COL4A2: variants seen among roughly 807,000 people sequenced by gnomAD.
COL4A2 encodes collagen alpha-2(IV) chain.
A neutral mutation model predicts 200.2 loss-of-function variants in COL4A2; 99 were observed. The observed-to-expected ratio is 0.49, with a 90% CI of 0.42 to 0.58. COL4A2 has a LOEUF of 0.58. Among genes scored for constraint, COL4A2 ranks in the 20% least tolerant of loss-of-function variants. The probability of loss-of-function intolerance (pLI) is 0.00; values close to 1 mark genes in which losing one functional copy is unlikely to be tolerated. For synonymous variants in COL4A2, 897 were observed against 900.6 expected (o/e 1.00, Z 0.07); for missense variants, 1,950 against 2,314.1 (o/e 0.84, Z 3.23).
At chr13:110,427,973 G>T (rs1880531240) in intron 6 of COL4A2, among the ~76,000 whole-genome samples, 1 of 152,226 alleles carries the variant, frequency 6.6e-6, no homozygotes, top group Admixed American at 6.5e-5. Context: ...TATCTAAAAT[G>T]CAGTTGGGTA....
chr13:110,441,469 A>C (rs527311805), intron 16 of COL4A2, among the ~76,000 whole-genome samples: 1 of 152,294 alleles, frequency 6.6e-6, no homozygotes, highest in Non-Finnish European at 1.5e-5. Context: ...TTTTATGCTA[A>C]ACTCAGCCCA....
rs150748464 is a variant in COL4A2, at chr13:110,430,695, G to A, written c.648+88G>A. 3.1e-4 allele frequency: 487 copies of A among 1,551,016 alleles called. No homozygotes were observed. The African/African-American group carries it at 5.6e-3, about 18-fold the overall frequency. On this transcript the variant is annotated intron_variant, in intron 10 of 47. Coordinates refer to ENST00000360467, the MANE Select transcript of COL4A2 (RefSeq NM_001846.4). ...ACTTCTTCAATGGTTGACTCCAGAT[G>A]AGAGCTTTAAGAACAACTATGATGC...
In COL4A2 at chr13:110,460,232, G is replaced by A. The variant is rs994019020; in HGVS notation, c.1596+1298G>A. The stretch of plus-strand genomic sequence containing the variant: ...AGCCCCGCAGAGCTGTGTTGCTGAC[G>A]GCCATGACTCCCAACTGCTTCATGG... On this transcript the variant is annotated intron_variant, in intron 22 of 47. Coordinates refer to ENST00000360467, the MANE Select transcript of COL4A2 (RefSeq NM_001846.4). Among the ~76,000 whole-genome samples the A allele has an allele frequency of 1.1e-4, 17 of 152,252 alleles. No homozygotes were observed. The South Asian group carries it at 1.2e-3, about 11-fold the overall frequency.
intron 3 of COL4A2, among the ~76,000 whole-genome samples, chr13:110,340,611 G>T (rs1377945232): frequency 6.6e-6 from 1 of 152,192 alleles, no homozygotes; most frequent in Non-Finnish European, 1.5e-5. Context: ...ACTTCTCCTA[G>T]CCCAGGGGCA....
intron 11 of COL4A2, 146 bp downstream of exon 11, chr13:110,432,506 T>A: frequency 1.9e-6 from 2 of 1,055,746 alleles, no homozygotes; most frequent in Non-Finnish European, 2.6e-6. Flanking sequence ...TTTTAAGACT[T>A]AATGTTAAAC....
At chr13:110,376,784 A>C (rs538796258) in intron 4 of COL4A2, among the ~76,000 whole-genome samples, 1 of 152,222 alleles carries the variant, frequency 6.6e-6, no homozygotes, top group East Asian at 1.9e-4. Flanking sequence ...AAGGCCCCCG[A>C]GGACCTTCCT....
chr13:110,454,155 T>C (rs1881634120), intron 20 of COL4A2, among the ~76,000 whole-genome samples: 1 of 152,198 alleles, frequency 6.6e-6, no homozygotes. Flanking sequence ...CTGTTCCACG[T>C]AGAAAAAGTC....
At chr13:110,461,396 C>T (rs549312243) in intron 22 of COL4A2, among the ~76,000 whole-genome samples, 17 of 152,358 alleles carry the variant, frequency 1.1e-4, no homozygotes, top group African/African-American at 3.1e-4. Context: ...TCAGCTGCCC[C>T]GGGCTGGGGC....
At chr13:110,333,186 C>T (rs1431307441) in intron 3 of COL4A2, among the ~76,000 whole-genome samples, 1 of 152,216 alleles carries the variant, frequency 6.6e-6, no homozygotes, top group Non-Finnish European at 1.5e-5. Flanking sequence ...GCCACTGGCC[C>T]GGTTACTCAG....
Position 110,462,153 on chromosome 13 carries a change from G to A in COL4A2, c.1636G>A (p.Ala546Thr), listed in dbSNP as rs1027800650. The change falls in exon 23 of 48, where the codon GCA (alanine) becomes ACA (threonine). Residue 546 changes from alanine (A) to threonine (T), a missense_variant. Physicochemically the swap from Ala to Thr is moderately conservative, Grantham distance 58. This residue lies in a region of COL4A2 where 1,385 missense variants were observed against 1,720.5 expected (regional missense o/e 0.80). Transcript: ENST00000360467. ...CATTGGTGCTCCCGGACCCAAAGGA[G>A]CAAAAGGAGATTCCAGAACAATCAC... is the stretch of plus-strand genomic sequence containing the variant. Reference protein sequence around the residue: ...GNIGAPGPKGAKGDSRTITTK... With the variant: ...GNIGAPGPKGTKGDSRTITTK... The A allele has an allele frequency of 6.2e-7, 1 of 1,614,276 alleles. No homozygotes were observed. The highest frequency in any genetic ancestry group is 1.1e-5 in the South Asian group (1 of 91,090).
chr13:110,467,703 C>T (rs879563924), intron 27 of COL4A2, among the ~76,000 whole-genome samples: 4 of 152,234 alleles, frequency 2.6e-5, no homozygotes, highest in Non-Finnish European at 5.9e-5. Context: ...GCCTGCGCTG[C>T]GATTCTGCTG....
chr13:110,511,976 T>C lies in COL4A2; in HGVS notation c.4924T>C (p.Ser1642Pro). 1.9e-6 allele frequency: 3 copies of C among 1,613,520 alleles called. No individual in the cohort carries two copies. Among genetic ancestry groups the C allele is most frequent in the Non-Finnish European group, 2.5e-6 (3 of 1,180,036 alleles). ...CGAAGGCGGTGGCCAATCACTGGTG[T>C]CACCGGGCAGCTGTCTAGAGGACTT... ...GDEGGGQSLVSPGSCLEDFRA... is the reference protein window; with the variant it reads ...GDEGGGQSLVPPGSCLEDFRA... The change falls in exon 48 of 48, where the codon TCA becomes CCA. Residue 1642 changes from serine to proline, a missense_variant. Transcript: ENST00000360467.
intron 38 of COL4A2, 59 bp downstream of exon 38, chr13:110,492,236 C>A: frequency 7.0e-7 from 1 of 1,433,838 alleles, no homozygotes; most frequent in Non-Finnish European, 9.6e-7. Context: ...GTGCAGGAGG[C>A]ACCGCTGAGC....
chr13:110,503,204 A>G lies in COL4A2; in HGVS notation c.3961A>G (p.Thr1321Ala). 6.2e-7 allele frequency: 1 copy of G among 1,613,688 alleles called. No individual in the cohort carries two copies. Among genetic ancestry groups the G allele is most frequent in the Non-Finnish European group, 8.5e-7 (1 of 1,179,912 alleles). The change falls in exon 42 of 48, where the codon ACC (threonine) becomes GCC (alanine). Residue 1321 changes from threonine (T) to alanine (A), a missense_variant. Coordinates refer to ENST00000360467, the MANE Select transcript of COL4A2 (RefSeq NM_001846.4). The part of the protein sequence containing the change: ...GDTGNPGAPG[T>A]PGTKGWAGDS... ...CACAGGGAACCCAGGAGCTCCAGGAACCCCAGGGACCAAAGGATGGGCCGG... is the reference window on the plus strand; with the variant it reads ...CACAGGGAACCCAGGAGCTCCAGGAGCCCCAGGGACCAAAGGATGGGCCGG...
intron 10 of COL4A2, among the ~76,000 whole-genome samples, chr13:110,431,138 T>G (rs1431821447): frequency 6.6e-6 from 1 of 152,186 alleles, no homozygotes; most frequent in East Asian, 1.9e-4. Flanking sequence ...CTCCCACCAC[T>G]GCACAATGAG....
chr13:110,333,076 T>C (rs1032379477), intron 3 of COL4A2, among the ~76,000 whole-genome samples: 1 of 152,148 alleles, frequency 6.6e-6, no homozygotes, highest in African/African-American at 2.4e-5. Context: ...AGCCCCATCA[T>C]CCTAAGGAGA....
intron 7 of COL4A2, chr13:110,429,029 C>T (rs1402302005): frequency 6.5e-6 from 1 of 153,972 alleles, no homozygotes; most frequent in Non-Finnish European, 1.4e-5. Context: ...GTTTTGTGGC[C>T]TCATTTATTT....
chr13:110,461,128 G>C (rs1371816324), intron 22 of COL4A2, among the ~76,000 whole-genome samples: 1 of 152,242 alleles, frequency 6.6e-6, no homozygotes, highest in African/African-American at 2.4e-5. Context: ...TGCGATTTGA[G>C]AGTCCCTGCA....
chr13:110,402,513 C>T (rs937137634), intron 4 of COL4A2, among the ~76,000 whole-genome samples: 5 of 152,174 alleles, frequency 3.3e-5, no homozygotes, highest in Non-Finnish European at 7.3e-5. Context: ...CATGGCTTCA[C>T]TGGGCACAGC....
Sources: gnomAD v4.1 joint callset for allele counts (sites outside exome capture counted in the v4.1 genomes callset) on GRCh38, gnomAD v4.1.1 for gene constraint, gnomAD v4.1.1 regional missense constraint, MANE v1.5 for transcripts, NCBI Gene and HGNC (gene_info 2026-07-23, HGNC 2026-07-21) for gene names.